Variants in BMP2 observed in about 807,000 individuals in gnomAD.
The protein encoded by BMP2 is bone morphogenetic protein 2A.
In BMP2, 2 loss-of-function variants were observed where a neutral mutation model predicts 28.8. The ratio of observed to expected loss-of-function variants is 0.07; its 90% CI spans 0.03 to 0.22. The LOEUF (loss-of-function observed/expected upper bound fraction) is 0.22. Among genes scored for constraint, BMP2 ranks in the 10% least tolerant of loss-of-function variants. The pLI is 1.00. For synonymous variants in BMP2, 218 were observed against 204.3 expected (o/e 1.07, Z -0.57); for missense variants, 437 against 517.7 (o/e 0.84, Z 1.51).
At chr20:6,769,397 C>G (rs1184483759) in intron 1 of BMP2, among the ~76,000 whole-genome samples, 1 of 152,072 alleles carries the variant, frequency 6.6e-6, no homozygotes, top group African/African-American at 2.4e-5. Flanking sequence ...ACTGAAGGAT[C>G]ACTTGGTACT....
rs1467795664 is a variant in BMP2 at position 6,768,799 on chromosome 20, CAG to C, written c.-81_-80del. ...CGGTCCTTGCGCCAGGTCCTTTGAC[CAG>C]AGTTTTTCCATGTGGACGCTCTTTC... On this transcript the variant is annotated 5_prime_UTR_variant, in exon 1 of 3. Transcript: ENST00000378827. 7 of 397,438 alleles carry C rather than the reference CAG, an allele frequency of 1.8e-5. No individual in the cohort carries two copies. The highest frequency in any genetic ancestry group is 4.1e-5 in the African/African-American group (2 of 48,580). The allele number at this position is 397,438 out of a possible 1,614,324, so 24.6% of individuals were successfully genotyped here.
intron 2 of BMP2, among the ~76,000 whole-genome samples, chr20:6,771,239 T>G (rs2122378450): frequency 6.6e-6 from 1 of 152,230 alleles, no homozygotes; most frequent in Middle Eastern, 3.4e-3. Flanking sequence ...AGGTGGGATA[T>G]TTCTGCTTGT....
rs1009144583 is a variant in BMP2 at position 6,779,159 on chromosome 20, CA to C, written c.*77del. On this transcript the variant is annotated 3_prime_UTR_variant, in exon 3 of 3. Coordinates refer to ENST00000378827, the MANE Select transcript of BMP2 (RefSeq NM_001200.4). ...TAGAAAAAAGAAAAAAACAAACAAA[CA>C]AAAAAACCCCACCCCAGTTGACACT... is the stretch of plus-strand genomic sequence containing the variant. The C allele has an allele frequency of 3.2e-5, 24 of 759,970 alleles. No individual in the cohort carries two copies. Among genetic ancestry groups the C allele is most frequent in the East Asian group, 1.7e-4 (4 of 22,878 alleles). The allele number at this position is 759,970 out of a possible 1,614,324, so 47.1% of individuals were successfully genotyped here.
Position 6,770,601 on chromosome 20 carries a change from G to A in BMP2, c.346+129G>A, listed in dbSNP as rs1986379384. On this transcript the variant is annotated intron_variant, in intron 2 of 2. Transcript: ENST00000378827. ...AGCGGACGTTTCCACTCTTGCTTCT[G>A]TACTATCGTTTCTGAATCTGATTTT... The A allele has an allele frequency of 4.5e-6, 4 of 896,800 alleles. No homozygotes were observed. The South Asian group carries it at 5.9e-5, about 13-fold the overall frequency. 55.6% of individuals were successfully genotyped at this position (896,800 alleles called of 1,614,324 possible). A position where few individuals can be genotyped will look rare whatever the true frequency, so the allele number is the denominator to read the frequency against.
intron 2 of BMP2, among the ~76,000 whole-genome samples, chr20:6,772,581 G>A (rs1435517614): frequency 6.6e-6 from 1 of 152,144 alleles, no homozygotes; most frequent in East Asian, 1.9e-4. Context: ...AAGGTTGCTG[G>A]CTCAAGAACA....
rs1293965868 is a variant in BMP2 at position 6,779,977 on chromosome 20, T to C, written c.*888T>C. 6.6e-6 allele frequency: 1 copy of C among 152,634 alleles called. No homozygotes were observed. Among genetic ancestry groups the C allele is most frequent in the African/African-American group, 2.4e-5 (1 of 41,456 alleles). The allele number at this position is 152,634 out of a possible 1,614,324, so 9.5% of individuals were successfully genotyped here. A position where few individuals can be genotyped will look rare whatever the true frequency, so the allele number is the denominator to read the frequency against. ...CTTCATTATTGATATTGTGGTCATA[T>C]ATATTTAAAATTGATATCTCGTGGC... On this transcript the variant is annotated 3_prime_UTR_variant, in exon 3 of 3. Transcript: ENST00000378827.
At chr20:6,771,852 C>T (rs1986406623) in intron 2 of BMP2, among the ~76,000 whole-genome samples, 1 of 152,206 alleles carries the variant, frequency 6.6e-6, no homozygotes, top group Non-Finnish European at 1.5e-5. Flanking sequence ...CAGAAATCAC[C>T]TGTTGTCATA....
chr20:6,772,093 A>G (rs1200600623), intron 2 of BMP2, among the ~76,000 whole-genome samples: 1 of 151,900 alleles, frequency 6.6e-6, no homozygotes, highest in East Asian at 1.9e-4. Context: ...AAGGAAGATC[A>G]TTTAAGTTAG....
In BMP2 at chr20:6,779,109, T is replaced by A; in HGVS notation, c.*20T>A. On this transcript the variant is annotated 3_prime_UTR_variant, in exon 3 of 3. Coordinates refer to ENST00000378827, the MANE Select transcript of BMP2 (RefSeq NM_001200.4). ...CGCTAGTACAGCAAAATTAAATACATAAATATATATATATATATATATTTT... is the reference window on the plus strand; with the variant it reads ...CGCTAGTACAGCAAAATTAAATACAAAAATATATATATATATATATATTTT... 8.9e-7 allele frequency: 1 copy of A among 1,125,674 alleles called. No individual in the cohort carries two copies. Among genetic ancestry groups the A allele is most frequent in the Non-Finnish European group, 1.1e-6 (1 of 873,760 alleles). The allele number at this position is 1,125,674 out of a possible 1,614,324, so 69.7% of individuals were successfully genotyped here. A position where few individuals can be genotyped will look rare whatever the true frequency, so the allele number is the denominator to read the frequency against.
At position 6,767,968 on chromosome 20, in the gene BMP2, A is replaced by T. The variant is rs1986285373; in HGVS notation, c.-915A>T. 1 of 396,474 alleles carries T rather than the reference A, an allele frequency of 2.5e-6. No individual in the cohort carries two copies. Among genetic ancestry groups the T allele is most frequent in the Admixed American group, 4.4e-5 (1 of 22,612 alleles). The allele number at this position is 396,474 out of a possible 1,614,324, so 24.6% of individuals were successfully genotyped here. A position where few individuals can be genotyped will look rare whatever the true frequency, so the allele number is the denominator to read the frequency against. On this transcript the variant is annotated 5_prime_UTR_variant, in exon 1 of 3. Transcript: ENST00000378827. The stretch of plus-strand genomic sequence containing the variant: ...GCCTCTGCTGCCCGGGCTGCGCCAG[A>T]GCCGCGGACGGGCGCGCAGAGCGCC...
At position 6,767,978 on chromosome 20, in the gene BMP2, G is replaced by A. The variant is rs1159240830; in HGVS notation, c.-905G>A. On this transcript the variant is annotated 5_prime_UTR_variant, in exon 1 of 3. Coordinates refer to ENST00000378827, the MANE Select transcript of BMP2 (RefSeq NM_001200.4). ...CCCGGGCTGCGCCAGAGCCGCGGAC[G>A]GGCGCGCAGAGCGCCGGGGACTCCG... 2 of 396,014 alleles carry A rather than the reference G, an allele frequency of 5.1e-6. No homozygotes were observed. The highest frequency in any genetic ancestry group is 8.9e-6 in the Non-Finnish European group (2 of 224,726). The allele number at this position is 396,014 out of a possible 1,614,324, so 24.5% of individuals were successfully genotyped here.
Position 6,768,366 on chromosome 20 carries a change from G to C in BMP2, c.-517G>C, listed in dbSNP as rs1057437274. The C allele has an allele frequency of 1.3e-5, 5 of 396,694 alleles. No individual in the cohort carries two copies. The Admixed American group carries it at 2.2e-4, about 18-fold the overall frequency. 24.6% of individuals were successfully genotyped at this position (396,694 alleles called of 1,614,324 possible). A position where few individuals can be genotyped will look rare whatever the true frequency, so the allele number is the denominator to read the frequency against. ...GCCCAGGATGGCTGCCCCGAGCCATGGGCCGCGGCGGAGCTAGCGCGGAGC... is the reference window on the plus strand; with the variant it reads ...GCCCAGGATGGCTGCCCCGAGCCATCGGCCGCGGCGGAGCTAGCGCGGAGC... On this transcript the variant is annotated 5_prime_UTR_variant, in exon 1 of 3. An upstream start codon of the reference 5' UTR is lost. Transcript: ENST00000378827.
chr20:6,775,111 T>C (rs1450861858), intron 2 of BMP2, among the ~76,000 whole-genome samples: 1 of 152,176 alleles, frequency 6.6e-6, no homozygotes, highest in East Asian at 1.9e-4. Flanking sequence ...GGAAGGGATA[T>C]TTACAGAAAA....
chr20:6,773,696 T>C (rs934300188), intron 2 of BMP2, among the ~76,000 whole-genome samples: 2 of 152,228 alleles, frequency 1.3e-5, no homozygotes. Context: ...TGTTGTATTT[T>C]TTTTAAAATG....
chr20:6,774,203 A>G (rs146681780), intron 2 of BMP2, among the ~76,000 whole-genome samples: 2 of 151,734 alleles, frequency 1.3e-5, no homozygotes, highest in African/African-American at 4.8e-5. Context: ...GTCCTCATGT[A>G]TGTTAGGTAG....
rs544133584 is a variant in BMP2 at position 6,769,974 on chromosome 20, C to A, written c.-7-146C>A. 3.2e-5 allele frequency: 24 copies of A among 761,854 alleles called. No individual in the cohort carries two copies. The South Asian group carries it at 4.5e-4, about 14-fold the overall frequency. 47.2% of individuals were successfully genotyped at this position (761,854 alleles called of 1,614,324 possible). A position where few individuals can be genotyped will look rare whatever the true frequency, so the allele number is the denominator to read the frequency against. On this transcript the variant is annotated intron_variant, in intron 1 of 2. Transcript: ENST00000378827. ...TTATCCCAAACGTTTGAGCTTCGGT[C>A]GGTCTTACCTAGACTCGTGAGTGTG...
At chr20:6,771,677 A>C (rs1986403492) in intron 2 of BMP2, among the ~76,000 whole-genome samples, 2 of 152,244 alleles carry the variant, frequency 1.3e-5, no homozygotes, top group Non-Finnish European at 2.9e-5. Flanking sequence ...ACATAGCAGA[A>C]GATACGTTCT....
rs369386883 is a variant in BMP2, at chr20:6,770,379, A to G, written c.253A>G (p.Arg85Gly). ...VPPYMLDLYRRHSGQPGSPAP... is the reference protein window; with the variant it reads ...VPPYMLDLYRGHSGQPGSPAP... ...CCCCTACATGCTAGACCTGTATCGC[A>G]GGCACTCAGGTCAGCCGGGCTCACC... is the stretch of plus-strand genomic sequence containing the variant. Residue 85 changes from arginine to glycine, a missense_variant, in exon 2 of 3, where the codon AGG becomes GGG. Around this residue, in one of 2 missense-constraint regions of BMP2, gnomAD observed 363 missense variants for 392.8 expected, o/e 0.92. Coordinates refer to ENST00000378827, the MANE Select transcript of BMP2 (RefSeq NM_001200.4). 16 of 1,613,128 alleles carry G rather than the reference A, an allele frequency of 9.9e-6. No individual in the cohort carries two copies. The highest frequency in any genetic ancestry group is 2.2e-5 in the East Asian group (1 of 44,870).
At chr20:6,776,868 A>T (rs1267284317) in intron 2 of BMP2, among the ~76,000 whole-genome samples, 1 of 151,856 alleles carries the variant, frequency 6.6e-6, no homozygotes, top group Non-Finnish European at 1.5e-5. Flanking sequence ...TTCAGTGCAC[A>T]ACTTACAGCT....
Sources: gnomAD v4.1 joint callset for allele counts (sites outside exome capture counted in the v4.1 genomes callset) on GRCh38, gnomAD v4.1.1 for gene constraint, gnomAD v4.1.1 regional missense constraint, MANE v1.5 for transcripts, NCBI Gene and HGNC (gene_info 2026-07-23, HGNC 2026-07-21) for gene names.